STK40: variants seen among roughly 807,000 people sequenced by gnomAD.
STK40 encodes serine/threonine-protein kinase 40.
STK40 carries 13 observed loss-of-function variants against 47.9 expected under a neutral mutation model. The ratio of observed to expected loss-of-function variants is 0.27; its 90% CI spans 0.18 to 0.43. The LOEUF (loss-of-function observed/expected upper bound fraction) is 0.43, where lower values mean the gene tolerates loss of function less well. Ranked by LOEUF, STK40 falls within the 20% of genes least tolerant of loss-of-function variation. STK40 has a pLI of 1.00. For missense variants in STK40, 460 were observed against 595.1 expected, an observed-to-expected ratio of 0.77 and a Z score of 2.36; for synonymous variants, 225 against 243.2, an observed-to-expected ratio of 0.93 and a Z score of 0.69.
At chr1:36,370,580 C>T (rs1413695609) in intron 1 of STK40, among the ~76,000 whole-genome samples, 1 of 152,156 alleles carries the variant, frequency 6.6e-6, no homozygotes, top group Admixed American at 6.5e-5. Flanking sequence ...CTCTGCAGAC[C>T]ACCCGTGCAC....
intron 1 of STK40, among the ~76,000 whole-genome samples, chr1:36,373,016 G>A (rs1407485029): frequency 6.6e-6 from 1 of 152,202 alleles, no homozygotes; most frequent in African/African-American, 2.4e-5. Context: ...CCATGGACAA[G>A]TTACGCAAAT....
intron 1 of STK40, among the ~76,000 whole-genome samples, chr1:36,382,158 T>C (rs1570471466): frequency 6.6e-6 from 1 of 152,022 alleles, no homozygotes; most frequent in Admixed American, 6.6e-5. Context: ...AGAGAAGAAA[T>C]TCTAAATACA....
chr1:36,359,615 A>G (rs1478940354), intron 2 of STK40, among the ~76,000 whole-genome samples: 1 of 152,184 alleles, frequency 6.6e-6, no homozygotes, highest in Non-Finnish European at 1.5e-5. Context: ...AAGCTTTGAG[A>G]GTGGAAATCT....
chr1:36,359,859 C>A (rs1006364358), intron 2 of STK40, among the ~76,000 whole-genome samples: 1 of 152,210 alleles, frequency 6.6e-6, no homozygotes, highest in African/African-American at 2.4e-5. Context: ...TCCTAGTTCC[C>A]AACATGGTAA....
chr1:36,350,154 C>G (rs1029322903), intron 6 of STK40, among the ~76,000 whole-genome samples: 1 of 152,224 alleles, frequency 6.6e-6, no homozygotes, highest in Non-Finnish European at 1.5e-5. Context: ...TATACAGGTC[C>G]GCCCTGTCAG....
At chr1:36,368,984 C>G (rs1294760483) in intron 1 of STK40, among the ~76,000 whole-genome samples, 1 of 152,136 alleles carries the variant, frequency 6.6e-6, no homozygotes, top group Non-Finnish European at 1.5e-5. Flanking sequence ...CCAGCCTGCT[C>G]GAATAGCTCC....
intron 10 of STK40, 146 bp downstream of exon 10, chr1:36,343,218 C>A (rs1205873358): frequency 1.8e-5 from 16 of 910,882 alleles, no homozygotes; most frequent in Middle Eastern, 2.1e-4. Flanking sequence ...GGACTGAAGT[C>A]TCCCTTTCCC....
chr1:36,364,171 C>A (rs1646881408), intron 1 of STK40, among the ~76,000 whole-genome samples: 3 of 152,208 alleles, frequency 2.0e-5, no homozygotes, highest in South Asian at 2.1e-4. Context: ...ACAACAACAA[C>A]AACAAAAATA....
chr1:36,346,373 GGTCT>G (rs1311499178), intron 7 of STK40, among the ~76,000 whole-genome samples: 1 of 152,196 alleles, frequency 6.6e-6, no homozygotes, highest in Non-Finnish European at 1.5e-5. Context: ...GGCTCAGAGA[GGTCT>G]GTAACTTCCC....
At position 36,366,989 on chromosome 1, in the gene STK40, C is replaced by G. The variant is rs1351809339; in HGVS notation, c.-8-5649G>C. Among the ~76,000 whole-genome samples the G allele has an allele frequency of 2.0e-5, 3 of 151,202 alleles. No individual in the cohort carries two copies. The East Asian group carries it at 5.8e-4, about 29-fold the overall frequency. On this transcript the variant is annotated intron_variant, in intron 1 of 10. Transcript: ENST00000373132. ...ACCTGAGATTACAGGCATCTACCAC[C>G]ACACCCAGCTAATTTTTTTTTTTTT...
chr1:36,344,153 C>T lies in STK40; in HGVS notation c.851G>A (p.Arg284His), dbSNP rs188394458. ...GGTATACTCGGCAGCCTTGATCTTGCGGAAGAGCTCCTGCGGGATGCTGTC... is the reference window on the plus strand; with the variant it reads ...GGTATACTCGGCAGCCTTGATCTTGTGGAAGAGCTCCTGCGGGATGCTGTC... The part of the protein sequence containing the change: ...FYDSIPQELF[R>H]KIKAAEYTIP... The change falls in exon 8 of 11, where the codon CGC becomes CAC. Residue 284 changes from arginine (R) to histidine (H), a missense_variant. Around this residue, in one of 3 missense-constraint regions of STK40, gnomAD observed 181 missense variants for 218.9 expected, o/e 0.83. Coordinates refer to ENST00000373132, the MANE Select transcript of STK40 (RefSeq NM_001282547.2). The T allele has an allele frequency of 4.3e-5, 70 of 1,610,930 alleles. No homozygotes were observed. Among genetic ancestry groups the T allele is most frequent in the Non-Finnish European group, 2.5e-5 (30 of 1,178,976 alleles).
At chr1:36,377,532 C>CAAAAAAA (rs746089027) in intron 1 of STK40, among the ~76,000 whole-genome samples, 1 of 35,482 alleles carries the variant, frequency 2.8e-5, no homozygotes. Flanking sequence ...GACTCCGTCT[C>CAAAAAAA]AAAAAAAAAA....
At position 36,350,802 on chromosome 1, in the gene STK40, G is replaced by A. The variant is rs368075656; in HGVS notation, c.624-1987C>T. On this transcript the variant is annotated intron_variant, in intron 6 of 10. Coordinates refer to ENST00000373132, the MANE Select transcript of STK40 (RefSeq NM_001282547.2). ...GCTTTCAACTCAACACTGCTGGTGG[G>A]ACTTTCCCACCCTCTGCCAGGGCAC... 3.3e-5 allele frequency among the ~76,000 whole-genome samples: 5 copies of A among 152,348 alleles called. No homozygotes were observed. The East Asian group carries it at 9.6e-4, about 29-fold the overall frequency.
chr1:36,366,255 C>T (rs1646901007), intron 1 of STK40, among the ~76,000 whole-genome samples: 1 of 152,146 alleles, frequency 6.6e-6, no homozygotes, highest in African/African-American at 2.4e-5. Flanking sequence ...CTCAGCCTGA[C>T]CCGCCCCTCC....
At chr1:36,363,426 T>C (rs953367802) in intron 1 of STK40, among the ~76,000 whole-genome samples, 3 of 152,102 alleles carry the variant, frequency 2.0e-5, no homozygotes, top group African/African-American at 4.8e-5. Flanking sequence ...GCAACATCAC[T>C]TGAGATAGCT....
rs1215254296 is a variant in STK40 at position 36,358,230 on chromosome 1, G to T, written c.342+9C>A. On this transcript the variant is annotated intron_variant, in intron 4 of 10. Transcript: ENST00000373132. Reference sequence around the variant, plus strand: ...GTGAGCGCGAAGGGTGAGGGGGAAGGCCGCTCACCTGGAAGAGGCCGTGGT... The same window carrying T: ...GTGAGCGCGAAGGGTGAGGGGGAAGTCCGCTCACCTGGAAGAGGCCGTGGT... The T allele has an allele frequency of 6.3e-7, 1 of 1,576,304 alleles. No homozygotes were observed. The highest frequency in any genetic ancestry group is 1.1e-5 in the South Asian group (1 of 89,026).
chr1:36,379,780 G>T (rs969120416), intron 1 of STK40, among the ~76,000 whole-genome samples: 1 of 152,006 alleles, frequency 6.6e-6, no homozygotes, highest in African/African-American at 2.4e-5. Flanking sequence ...GAAAAATAAG[G>T]CTGCCCCAAT....
intron 7 of STK40, among the ~76,000 whole-genome samples, chr1:36,348,418 C>T (rs1321130872): frequency 6.6e-6 from 1 of 152,226 alleles, no homozygotes; most frequent in East Asian, 1.9e-4. Context: ...AACTGTCACA[C>T]CTTGTGGGGA....
chr1:36,354,365 T>C lies in STK40; in HGVS notation c.622A>G (p.Arg208Gly), dbSNP rs199640180. Reference sequence around the variant, plus strand: ...TGGATGTAGAGACAGGGATCTTACCTCTTGTTGAGCACCATGTTCCCCAGC... The same window carrying C: ...TGGATGTAGAGACAGGGATCTTACCCCTTGTTGAGCACCATGTTCCCCAGC... Reference protein sequence around the residue: ...LKLGNMVLNKRTHRITITNFC... With the variant: ...LKLGNMVLNKGTHRITITNFC... The change falls in exon 6 of 11, where the codon AGG (arginine) becomes GGG (glycine). Residue 208 changes from arginine to glycine, a missense_variant and splice_region_variant. Around this residue, in one of 3 missense-constraint regions of STK40, gnomAD observed 277 missense variants for 358.7 expected, o/e 0.77. Transcript: ENST00000373132. 197 of 1,613,896 alleles carry C rather than the reference T, an allele frequency of 1.2e-4. No homozygotes were observed. Among genetic ancestry groups the C allele is most frequent in the Non-Finnish European group, 1.4e-4 (170 of 1,179,946 alleles).
Sources: allele counts gnomAD v4.1 joint callset (sites outside exome capture counted in the v4.1 genomes callset), GRCh38; gene constraint gnomAD v4.1.1; regional missense constraint gnomAD v4.1.1; transcripts MANE v1.5; gene names NCBI Gene and HGNC (gene_info 2026-07-23, HGNC 2026-07-21).